NADSYN1: variants seen among roughly 807,000 people sequenced by gnomAD.
NADSYN1 encodes glutamine-dependent NAD(+) synthetase.
Under a neutral mutation model 99.3 loss-of-function variants are expected in NADSYN1, and 80 were observed. The ratio of observed to expected loss-of-function variants is 0.81; its 90% CI spans 0.67 to 0.97. The LOEUF is 0.97. Ranked by LOEUF, NADSYN1 falls within the 50% of genes least tolerant of loss-of-function variation. The pLI is 0.00. For synonymous variants in NADSYN1, 385 were observed against 372.1 expected, an observed-to-expected ratio of 1.03 and a Z score of -0.40; for missense variants, 859 against 948.5, an observed-to-expected ratio of 0.91 and a Z score of 1.24.
At chr11:71,499,357 C>A (rs1949842785) in intron 20 of NADSYN1, 1 of 152,222 alleles carries the variant, frequency 6.6e-6, no homozygotes, top group East Asian at 1.9e-4. Context: ...TTGGAGGAAT[C>A]TCTGCACTGC....
chr11:71,477,553 G>C, intron 9 of NADSYN1: 1 of 766,898 alleles, frequency 1.3e-6, no homozygotes, highest in Non-Finnish European at 1.8e-6. Context: ...CTCGTGTTTA[G>C]CAAGGCAACA....
At chr11:71,490,461 CAG>C (rs1013790904) in intron 16 of NADSYN1, among the ~76,000 whole-genome samples, 1 of 152,330 alleles carries the variant, frequency 6.6e-6, no homozygotes, top group East Asian at 1.9e-4. Context: ...CTGCCGACCA[CAG>C]GCCTCAGAGT....
chr11:71,489,215 C>T (rs544933726), intron 16 of NADSYN1, among the ~76,000 whole-genome samples: 5 of 150,330 alleles, frequency 3.3e-5, no homozygotes, highest in East Asian at 3.9e-4. Flanking sequence ...ATGCAGAGTG[C>T]GAGAGGAGGG....
chr11:71,459,904 G>A (rs1306963411), intron 3 of NADSYN1: 1 of 152,350 alleles, frequency 6.6e-6, no homozygotes, highest in African/African-American at 2.4e-5. Context: ...GAATTTCCAT[G>A]GACACAAAAC....
intron 5 of NADSYN1, among the ~76,000 whole-genome samples, chr11:71,471,012 T>C (rs949259019): frequency 1.3e-5 from 2 of 152,256 alleles, no homozygotes; most frequent in African/African-American, 4.8e-5. Flanking sequence ...CTTCAAATTC[T>C]TTTCTTAGTT....
At chr11:71,501,121 G>A (rs1026405632) in intron 20 of NADSYN1, among the ~76,000 whole-genome samples, 181 bp from the exon 21 acceptor site, 3 of 152,258 alleles carry the variant, frequency 2.0e-5, no homozygotes, top group Admixed American at 2.0e-4. Context: ...TGACAGCTAT[G>A]CGTGATCTGG....
At chr11:71,482,680 GCC>G in intron 13 of NADSYN1, 167 bp from the exon 14 acceptor site, 1 of 529,452 alleles carries the variant, frequency 1.9e-6, no homozygotes, top group Non-Finnish European at 3.3e-6. Context: ...CTGGGGTGGA[GCC>G]GCACAGGCAC....
At chr11:71,456,596 C>T (rs929215003) in intron 2 of NADSYN1, among the ~76,000 whole-genome samples, 4 of 152,186 alleles carry the variant, frequency 2.6e-5, no homozygotes, top group African/African-American at 9.7e-5. Flanking sequence ...TTAGAGTTTA[C>T]GTCTTCTTTT....
rs771407356 is a variant in NADSYN1, at chr11:71,474,420, A to G, written c.692A>G (p.Asn231Ser). ...AACGGTGGGATTTACTTGCTGGCCAACCAGAAGGGTTGTGACGGGGACCGC... is the reference window on the plus strand; with the variant it reads ...AACGGTGGGATTTACTTGCTGGCCAGCCAGAAGGGTTGTGACGGGGACCGC... ...SKNGGIYLLA[N>S]QKGCDGDRLY... The change falls in exon 9 of 21, where the codon AAC becomes AGC. Residue 231 changes from asparagine to serine, a missense_variant. Coordinates refer to ENST00000319023, the MANE Select transcript of NADSYN1 (RefSeq NM_018161.5). 6.2e-7 allele frequency: 1 copy of G among 1,614,172 alleles called. No individual in the cohort carries two copies. The highest frequency in any genetic ancestry group is 1.1e-5 in the South Asian group (1 of 91,082).
intron 15 of NADSYN1, chr11:71,484,886 AGT>A (rs138987994): frequency 7.6e-5 from 15 of 198,608 alleles, no homozygotes; most frequent in East Asian, 2.4e-4. Context: ...AGCAAGTGTG[AGT>A]GTGGATGTGT....
At chr11:71,499,196 G>A (rs549302888) in intron 20 of NADSYN1, 10 of 152,378 alleles carry the variant, frequency 6.6e-5, no homozygotes, top group South Asian at 2.1e-4. Flanking sequence ...CCATCGGTGC[G>A]CGCTCAGGCT....
chr11:71,498,749 T>C (rs569460912), intron 20 of NADSYN1: 1 of 465,116 alleles, frequency 2.2e-6, no homozygotes, highest in Non-Finnish European at 3.9e-6. Flanking sequence ...AACATGACAT[T>C]TCGATATGTG....
At chr11:71,470,758 A>G (rs1018508259) in intron 5 of NADSYN1, among the ~76,000 whole-genome samples, 1 of 152,028 alleles carries the variant, frequency 6.6e-6, no homozygotes, top group Non-Finnish European at 1.5e-5. Flanking sequence ...AAGTTTACCT[A>G]TTTTCTGCTT....
intron 1 of NADSYN1, among the ~76,000 whole-genome samples, chr11:71,454,098 C>A (rs75437357): frequency 6.6e-6 from 1 of 152,304 alleles, no homozygotes; most frequent in East Asian, 1.9e-4. Context: ...CAGGTGTAGT[C>A]AGGTTGCAGC....
intron 2 of NADSYN1, among the ~76,000 whole-genome samples, chr11:71,456,092 T>C (rs887166708): frequency 2.6e-5 from 4 of 152,232 alleles, no homozygotes; most frequent in Non-Finnish European, 5.9e-5. Context: ...GAAGTTCCTC[T>C]TCAGTCTTTG....
At chr11:71,481,839 A>T in intron 12 of NADSYN1, 84 bp from the exon 13 acceptor site, 1 of 1,246,702 alleles carries the variant, frequency 8.0e-7, no homozygotes, top group Non-Finnish European at 1.1e-6. Flanking sequence ...CGCCTCCTTG[A>T]GGTCTATGGG....
intron 4 of NADSYN1, 60 bp downstream of exon 4, chr11:71,463,545 A>C: frequency 6.6e-7 from 1 of 1,505,220 alleles, no homozygotes; most frequent in Non-Finnish European, 9.2e-7. Flanking sequence ...CTCTCAGCTG[A>C]GGGCTGCCAG....
At chr11:71,494,207 C>A (rs1949803962) in intron 18 of NADSYN1, among the ~76,000 whole-genome samples, 1 of 152,202 alleles carries the variant, frequency 6.6e-6, no homozygotes, top group African/African-American at 2.4e-5. Flanking sequence ...CCTGCAAGCT[C>A]CAGTCCTGGG....
chr11:71,471,036 C>T (rs1009558668), intron 5 of NADSYN1, among the ~76,000 whole-genome samples: 10 of 152,144 alleles, frequency 6.6e-5, no homozygotes, highest in African/African-American at 1.4e-4. Context: ...AACTTATCTC[C>T]TGTCATTTAT....
Sources: allele counts gnomAD v4.1 joint callset (sites outside exome capture counted in the v4.1 genomes callset), GRCh38; gene constraint gnomAD v4.1.1; transcripts MANE v1.5; gene names NCBI Gene and HGNC (gene_info 2026-07-23, HGNC 2026-07-21).